Variants in RNF180 observed in about 807,000 individuals in gnomAD.
RNF180 encodes ring finger protein 180, also known as E3 ubiquitin-protein ligase RNF180.
Under a neutral mutation model 59.2 loss-of-function variants are expected in RNF180, and 38 were observed. The observed-to-expected ratio is 0.64, with a 90% CI of 0.50 to 0.84. The LOEUF is 0.84. Ranked by LOEUF, RNF180 falls within the 40% of genes least tolerant of loss-of-function variation. RNF180 has a pLI of 0.00. For synonymous variants in RNF180, 262 were observed against 240.3 expected, an observed-to-expected ratio of 1.09 and a Z score of -0.84; for missense variants, 705 against 700.9, an observed-to-expected ratio of 1.01 and a Z score of -0.07.
At position 64,236,902 on chromosome 5, in the gene RNF180, C is replaced by T. The variant is rs34163555; in HGVS notation, c.1227+19506C>T. On this transcript the variant is annotated intron_variant, in intron 5 of 7. Coordinates refer to ENST00000389100, the MANE Select transcript of RNF180 (RefSeq NM_001113561.2). ...GGGTGTGCAGAAAAGAATTGAGCTTCGAGAACCTCCACCTAGATTTCAGAG... is the reference window on the plus strand; with the variant it reads ...GGGTGTGCAGAAAAGAATTGAGCTTTGAGAACCTCCACCTAGATTTCAGAG... Among the ~76,000 whole-genome samples the T allele has an allele frequency of 2.8e-3, 430 of 152,246 alleles. 1 individual carries two copies. Among genetic ancestry groups the T allele is most frequent in the Non-Finnish European group, 4.6e-3 (316 of 68,010 alleles).
chr5:64,228,956 C>G (rs1390994351), intron 5 of RNF180, among the ~76,000 whole-genome samples: 2 of 127,002 alleles, frequency 1.6e-5, no homozygotes, highest in African/African-American at 6.1e-5. Flanking sequence ...AGGTCTCACT[C>G]TGTCACCCAG....
intron 5 of RNF180, among the ~76,000 whole-genome samples, chr5:64,235,483 A>G (rs1447180971): frequency 6.6e-6 from 1 of 152,040 alleles, no homozygotes; most frequent in Non-Finnish European, 1.5e-5. Flanking sequence ...GGATAAATAT[A>G]TACATTTGCC....
chr5:64,264,056 C>T (rs1744514321), intron 5 of RNF180, among the ~76,000 whole-genome samples: 1 of 152,130 alleles, frequency 6.6e-6, no homozygotes, highest in East Asian at 1.9e-4. Context: ...AGTAGTCTAA[C>T]TTTCCTCAAA....
chr5:64,226,402 CAG>C (rs1436567087), intron 5 of RNF180, among the ~76,000 whole-genome samples: 1 of 152,156 alleles, frequency 6.6e-6, no homozygotes, highest in Non-Finnish European at 1.5e-5. Flanking sequence ...TGTGTCAACT[CAG>C]GGTTAAATGG....
At chr5:64,349,273 C>A (rs1488473575) in intron 7 of RNF180, among the ~76,000 whole-genome samples, 2 of 151,994 alleles carry the variant, frequency 1.3e-5, no homozygotes, top group African/African-American at 4.8e-5. Context: ...GTTGCTTATT[C>A]TTTTAATGCC....
intron 7 of RNF180, among the ~76,000 whole-genome samples, chr5:64,347,858 A>G (rs1361053718): frequency 6.6e-6 from 1 of 152,178 alleles, no homozygotes; most frequent in South Asian, 2.1e-4. Context: ...GAAAAACTTC[A>G]TAACTATGCT....
chr5:64,223,718 T>C (rs1473390466), intron 5 of RNF180, among the ~76,000 whole-genome samples: 5 of 152,148 alleles, frequency 3.3e-5, no homozygotes, highest in African/African-American at 4.8e-5. Flanking sequence ...CATTTTACTA[T>C]CATATATCTT....
intron 5 of RNF180, among the ~76,000 whole-genome samples, chr5:64,278,513 T>C (rs943309629): frequency 6.6e-6 from 1 of 152,132 alleles, no homozygotes; most frequent in Admixed American, 6.6e-5. Flanking sequence ...GTGGTAACAG[T>C]GGCAAAAGAT....
At chr5:64,289,867 G>T (rs993548313) in intron 5 of RNF180, among the ~76,000 whole-genome samples, 2 of 151,634 alleles carry the variant, frequency 1.3e-5, no homozygotes, top group Admixed American at 6.6e-5. Context: ...TTTTTGAAAG[G>T]TTTTTTTTAT....
At chr5:64,234,663 C>G in intron 5 of RNF180, among the ~76,000 whole-genome samples, 1 of 126,752 alleles carries the variant, frequency 7.9e-6, no homozygotes, top group African/African-American at 3.0e-5. Flanking sequence ...GCCGTGGCGC[C>G]ATCTTGGCTC....
chr5:64,303,473 A>C (rs923448292), intron 5 of RNF180, among the ~76,000 whole-genome samples: 1 of 151,540 alleles, frequency 6.6e-6, no homozygotes, highest in African/African-American at 2.4e-5. Context: ...AGAAATTAAA[A>C]GTGCTACTCC....
At chr5:64,239,549 C>T (rs886426811) in intron 5 of RNF180, among the ~76,000 whole-genome samples, 5 of 151,922 alleles carry the variant, frequency 3.3e-5, no homozygotes, top group Non-Finnish European at 5.9e-5. Flanking sequence ...TTTGAAATAA[C>T]GTTTCTCAGT....
At chr5:64,208,139 A>G (rs1752117366) in intron 2 of RNF180, among the ~76,000 whole-genome samples, 1 of 152,104 alleles carries the variant, frequency 6.6e-6, no homozygotes, top group Non-Finnish European at 1.5e-5. Flanking sequence ...AATATTCCCA[A>G]CACTTAAAGA....
At chr5:64,216,248 G>A (rs1752617916) in intron 4 of RNF180, among the ~76,000 whole-genome samples, 1 of 152,090 alleles carries the variant, frequency 6.6e-6, no homozygotes, top group African/African-American at 2.4e-5. Context: ...ATCGCAGTTA[G>A]AACCAGAATA....
Position 64,369,615 on chromosome 5 carries a change from G to A in RNF180, c.1580G>A (p.Gly527Asp). Residue 527 changes from glycine (G) to aspartate (D), a missense_variant and splice_region_variant, in exon 8 of 8, where the codon GGT becomes GAT. Physicochemically the swap from Gly to Asp is moderately conservative, Grantham distance 94 (BLOSUM62 -1). Transcript: ENST00000389100. The part of the protein sequence containing the change: ...SCRKAFHLFG[G>D]FRRHAAPVTR... Reference sequence around the variant, plus strand: ...TTTAATATGTTCATACATCTTCTAGGTTTCCGCAGACATGCAGCTCCAGTT... The same window carrying A: ...TTTAATATGTTCATACATCTTCTAGATTTCCGCAGACATGCAGCTCCAGTT... 1 of 1,506,500 alleles carries A rather than the reference G, an allele frequency of 6.6e-7. No individual in the cohort carries two copies. Among genetic ancestry groups the A allele is most frequent in the South Asian group, 1.3e-5 (1 of 75,600 alleles). 93.3% of individuals were successfully genotyped at this position (1,506,500 alleles called of 1,614,324 possible).
intron 5 of RNF180, among the ~76,000 whole-genome samples, chr5:64,251,219 C>T (rs1456461088): frequency 4.6e-5 from 7 of 152,102 alleles, no homozygotes; most frequent in Admixed American, 1.3e-4. Flanking sequence ...CCATATTTGA[C>T]GAGCCCACAA....
chr5:64,222,228 G>A (rs1024732119), intron 5 of RNF180, among the ~76,000 whole-genome samples: 4 of 152,042 alleles, frequency 2.6e-5, no homozygotes, highest in Non-Finnish European at 5.9e-5. Flanking sequence ...CAAAACTACT[G>A]TATTTGATGA....
chr5:64,267,294 A>G (rs1461689368), intron 5 of RNF180, among the ~76,000 whole-genome samples: 1 of 152,150 alleles, frequency 6.6e-6, no homozygotes, highest in African/African-American at 2.4e-5. Context: ...CTACAGGCTT[A>G]AGAAAGTAAT....
intron 7 of RNF180, among the ~76,000 whole-genome samples, chr5:64,337,306 G>T (rs1745168392): frequency 6.6e-6 from 1 of 152,020 alleles, no homozygotes; most frequent in Non-Finnish European, 1.5e-5. Flanking sequence ...ACCCTGCCAA[G>T]CCTCGCTTAG....
Sources: gnomAD v4.1 joint callset for allele counts (sites outside exome capture counted in the v4.1 genomes callset) on GRCh38, gnomAD v4.1.1 for gene constraint, MANE v1.5 for transcripts, NCBI Gene and HGNC (gene_info 2026-07-23, HGNC 2026-07-21) for gene names.